The following MAP3K4 variants were observed in gnomAD, a reference collection of about 807,000 sequenced individuals.
MAP3K4 encodes mitogen-activated protein kinase kinase kinase 4.
Under a neutral mutation model 185.6 loss-of-function variants are expected in MAP3K4, and 67 were observed. The ratio of observed to expected loss-of-function variants is 0.36; its 90% confidence interval spans 0.30 to 0.44. The LOEUF is 0.44. Among genes scored for constraint, MAP3K4 ranks in the 20% least tolerant of loss-of-function variants. The pLI is 1.00. For missense variants in MAP3K4, 1,551 were observed against 1,995.1 expected (o/e 0.78, Z 4.24); for synonymous variants, 702 against 710.4 (o/e 0.99, Z 0.19).
Position 161,101,002 on chromosome 6 carries a change from GC to G in MAP3K4, c.3675-888del, listed in dbSNP as rs965148871. 4 of 152,154 alleles carry G rather than the reference GC, an allele frequency of 2.6e-5. No individual in the cohort carries two copies. Among genetic ancestry groups the G allele is most frequent in the African/African-American group, 9.6e-5 (4 of 41,494 alleles). 9.4% of individuals were successfully genotyped at this position (152,154 alleles called of 1,614,324 possible). The stretch of plus-strand genomic sequence containing the variant: ...AAATGTCTGTGCAATAGATCATGTT[GC>G]CTTCAACCTATCAATGTATAATAAG... On this transcript the variant is annotated intron_variant, in intron 17 of 26. Coordinates refer to ENST00000392142, the MANE Select transcript of MAP3K4 (RefSeq NM_005922.4). This position sits in a 1 kb window ranked among gnomAD's most constrained non-coding sequence, Gnocchi z 5.1.
chr6:161,009,865 G>A (rs939576522), intron 1 of MAP3K4, among the ~76,000 whole-genome samples: 8 of 152,132 alleles, frequency 5.3e-5, no homozygotes, highest in African/African-American at 1.7e-4. Flanking sequence ...GCCTGTCGGG[G>A]GAAGGAGGTG....
intron 19 of MAP3K4, 135 bp downstream of exon 19, chr6:161,102,914 A>T: frequency 1.7e-6 from 1 of 588,372 alleles, no homozygotes. Flanking sequence ...TTGTGATCTC[A>T]CAGCTCTGAC....
At position 161,034,225 on chromosome 6, in the gene MAP3K4, G is replaced by A. The variant is rs1432716299; in HGVS notation, c.153-34G>A. ...AAATTTGAATTCACTTAACTGTGTT[G>A]CTGAATATTTTCCCTGCACACTGTC... On this transcript the variant is annotated intron_variant, in intron 1 of 26. Transcript: ENST00000392142. The surrounding 1 kb of genome is among the most constrained non-coding windows in gnomAD (Gnocchi z 4.4). The A allele has an allele frequency of 1.3e-6, 2 of 1,526,400 alleles. No homozygotes were observed. The highest frequency in any genetic ancestry group is 2.4e-5 in the South Asian group (2 of 81,992). 94.6% of individuals were successfully genotyped at this position (1,526,400 alleles called of 1,614,324 possible).
At position 161,061,018 on chromosome 6, in the gene MAP3K4, G is replaced by A. The variant is rs1784465319; in HGVS notation, c.1708-9590G>A. On this transcript the variant is annotated intron_variant, in intron 3 of 26. Coordinates refer to ENST00000392142, the MANE Select transcript of MAP3K4 (RefSeq NM_005922.4). The surrounding 1 kb of genome is among the most constrained non-coding windows in gnomAD (Gnocchi z 4.2). Reference sequence around the variant, plus strand: ...CTGTACCCCAGCATTGTTCATTGCAGCAGAAATTGTGGCTGGTCATTGTTT... The same window carrying A: ...CTGTACCCCAGCATTGTTCATTGCAACAGAAATTGTGGCTGGTCATTGTTT... 6.6e-6 allele frequency among the ~76,000 whole-genome samples: 1 copy of A among 152,210 alleles called. No homozygotes were observed. Among genetic ancestry groups the A allele is most frequent in the African/African-American group, 2.4e-5 (1 of 41,448 alleles).
At position 161,111,836 on chromosome 6, in the gene MAP3K4, G is replaced by A. The variant is rs200904796; in HGVS notation, c.4397G>A (p.Gly1466Asp). 77 of 1,607,412 alleles carry A rather than the reference G, an allele frequency of 4.8e-5. No individual in the cohort carries two copies. Among genetic ancestry groups the A allele is most frequent in the Non-Finnish European group, 6.3e-5 (74 of 1,176,828 alleles). The change falls in exon 24 of 27, where the codon GGT (glycine) becomes GAT (aspartate). Residue 1466 changes from glycine (G) to aspartate (D), a missense_variant and splice_region_variant. Coordinates refer to ENST00000392142, the MANE Select transcript of MAP3K4 (RefSeq NM_005922.4). Reference sequence around the variant, plus strand: ...TAACAACTACTTCTTTTCTTTTTAGGTGCCAATATCTTCCTTACCTCATCT... The same window carrying A: ...TAACAACTACTTCTTTTCTTTTTAGATGCCAATATCTTCCTTACCTCATCT... ...EHGIVHRDIKGANIFLTSSGL... is the reference protein window; with the variant it reads ...EHGIVHRDIKDANIFLTSSGL...
Position 161,074,004 on chromosome 6 carries a change from C to T in MAP3K4, c.2097+392C>T, listed in dbSNP as rs1785062010. Among the ~76,000 whole-genome samples, 1 of 152,218 alleles carries T rather than the reference C, an allele frequency of 6.6e-6. No individual in the cohort carries two copies. The highest frequency in any genetic ancestry group is 1.5e-5 in the Non-Finnish European group (1 of 68,028). On this transcript the variant is annotated intron_variant, in intron 5 of 26. Coordinates refer to ENST00000392142, the MANE Select transcript of MAP3K4 (RefSeq NM_005922.4). This position sits in a 1 kb window ranked among gnomAD's most constrained non-coding sequence, Gnocchi z 5.0. ...ATATGGTCCTATGTTAGTGAACCGT[C>T]TGTCATCAGCCATTTTTATAATACC...
chr6:161,085,140 C>T (rs756909807), intron 7 of MAP3K4, among the ~76,000 whole-genome samples: 25 of 76,846 alleles, frequency 3.3e-4, no homozygotes, highest in Admixed American at 7.6e-4. Context: ...AGCAAGACTC[C>T]GTCTCAAAAA....
Position 161,049,375 on chromosome 6 carries a change from A to G in MAP3K4, c.1103A>G (p.Tyr368Cys). ...CTGCTAGAGTACATAGAAGCACTTT[A>G]TCCATCATTGCAGGCTCTTCAGAAG... ...MELLEYIEALYPSLQALQKDY... is the reference protein window; with the variant it reads ...MELLEYIEALCPSLQALQKDY... The change falls in exon 3 of 27, where the codon TAT (tyrosine) becomes TGT (cysteine). Residue 368 changes from tyrosine to cysteine, a missense_variant. By Grantham distance (194) the Tyr-to-Cys change is radical. This residue lies in a region of MAP3K4 where 93 missense variants were observed against 96.7 expected (regional missense o/e 0.96). Coordinates refer to ENST00000392142, the MANE Select transcript of MAP3K4 (RefSeq NM_005922.4). This position sits in a 1 kb window ranked among gnomAD's most constrained non-coding sequence, Gnocchi z 8.4. 1.9e-6 allele frequency: 3 copies of G among 1,614,214 alleles called. No individual in the cohort carries two copies. Among genetic ancestry groups the G allele is most frequent in the Non-Finnish European group, 2.5e-6 (3 of 1,180,038 alleles).
At chr6:161,006,531 A>G (rs1451959513) in intron 1 of MAP3K4, among the ~76,000 whole-genome samples, 2 of 152,206 alleles carry the variant, frequency 1.3e-5, no homozygotes, top group African/African-American at 2.4e-5. Flanking sequence ...TCGTCATTTT[A>G]TATCAGACAG....
intron 2 of MAP3K4, among the ~76,000 whole-genome samples, chr6:161,041,329 G>C (rs928639818): frequency 6.6e-6 from 1 of 152,222 alleles, no homozygotes; most frequent in African/African-American, 2.4e-5. Context: ...AGGAGCCCCT[G>C]GGGGCTGGAG....
intron 1 of MAP3K4, among the ~76,000 whole-genome samples, chr6:161,031,545 C>A (rs1220222784): frequency 2.6e-5 from 4 of 152,062 alleles, no homozygotes; most frequent in African/African-American, 9.7e-5. Context: ...TCGTGACGCT[C>A]CTCAGGTCGG....
chr6:161,003,729 T>G (rs1428408912), intron 1 of MAP3K4, among the ~76,000 whole-genome samples: 1 of 152,142 alleles, frequency 6.6e-6, no homozygotes, highest in African/African-American at 2.4e-5. Context: ...TACTATAATT[T>G]TCAAAAGTGA....
rs906363329 is a variant in MAP3K4, at chr6:160,991,881, G to C, written c.-51G>C. On this transcript the variant is annotated 5_prime_UTR_variant, in exon 1 of 27. Transcript: ENST00000392142. This position sits in a 1 kb window ranked among gnomAD's most constrained non-coding sequence, Gnocchi z 5.7. ...GCACTTCGGGGCTCCGGTGCCCCGC[G>C]CCAGGCTGCAGCTTACTGCCCGCCG... The C allele has an allele frequency of 6.9e-7, 1 of 1,451,322 alleles. No homozygotes were observed. The highest frequency in any genetic ancestry group is 9.0e-7 in the Non-Finnish European group (1 of 1,112,440). 89.9% of individuals were successfully genotyped at this position (1,451,322 alleles called of 1,614,324 possible).
rs183498308 is a variant in MAP3K4 at position 161,038,473 on chromosome 6, T to C, written c.343+4024T>C. On this transcript the variant is annotated intron_variant, in intron 2 of 26. Coordinates refer to ENST00000392142, the MANE Select transcript of MAP3K4 (RefSeq NM_005922.4). ...AGCTGTCCAAGGAAATGTGAACTGT[T>C]ACATTATTTCTTTCTCACTGCAACA... 2.5e-3 allele frequency among the ~76,000 whole-genome samples: 388 copies of C among 152,358 alleles called. 2 individuals are homozygous for C. Among genetic ancestry groups the C allele is most frequent in the Non-Finnish European group, 5.7e-4 (39 of 68,040 alleles).
intron 1 of MAP3K4, among the ~76,000 whole-genome samples, chr6:161,012,169 A>G (rs901335798): frequency 6.6e-6 from 1 of 152,186 alleles, no homozygotes; most frequent in South Asian, 2.1e-4. Context: ...ATCCAGGCCC[A>G]ATAGTCCTGC....
intron 1 of MAP3K4, among the ~76,000 whole-genome samples, chr6:161,032,551 A>G (rs2115162332): frequency 6.6e-6 from 1 of 152,332 alleles, no homozygotes. Flanking sequence ...GCTAGGATTT[A>G]AACGTGGGTC....
At position 161,080,372 on chromosome 6, in the gene MAP3K4, G is replaced by C. The variant is rs1292078589; in HGVS notation, c.2098-509G>C. On this transcript the variant is annotated intron_variant, in intron 5 of 26. Coordinates refer to ENST00000392142, the MANE Select transcript of MAP3K4 (RefSeq NM_005922.4). This position sits in a 1 kb window ranked among gnomAD's most constrained non-coding sequence, Gnocchi z 4.8. ...CACTTCAGAACAACTGGATATTTTG[G>C]TTTTAGATCATCATTTATATGTTGC... Among the ~76,000 whole-genome samples the C allele has an allele frequency of 6.6e-6, 1 of 152,162 alleles. No homozygotes were observed. The highest frequency in any genetic ancestry group is 6.5e-5 in the Admixed American group (1 of 15,276).
intron 1 of MAP3K4, among the ~76,000 whole-genome samples, chr6:161,018,659 A>G (rs1442593951): frequency 2.0e-5 from 3 of 152,226 alleles, no homozygotes; most frequent in Admixed American, 2.0e-4. Flanking sequence ...CAGAAAATGT[A>G]TAATATCCAA....
intron 1 of MAP3K4, among the ~76,000 whole-genome samples, chr6:161,020,657 A>G (rs1270434341): frequency 8.5e-6 from 1 of 118,074 alleles, no homozygotes; most frequent in Non-Finnish European, 1.8e-5. Flanking sequence ...GACTCTGTCT[A>G]AAAAAAAAAA....
Sources: gnomAD v4.1 joint callset for allele counts (sites outside exome capture counted in the v4.1 genomes callset) on GRCh38, gnomAD v4.1.1 for gene constraint, gnomAD v4.1.1 regional missense constraint, Gnocchi (gnomAD v3.1) non-coding constraint, MANE v1.5 for transcripts, NCBI Gene and HGNC (gene_info 2026-07-23, HGNC 2026-07-21) for gene names.